Variants in IQCH observed in about 807,000 individuals in gnomAD.
IQCH encodes IQ domain-containing protein H.
Under a neutral mutation model 117.0 loss-of-function variants are expected in IQCH, and 98 were observed. The observed-to-expected ratio is 0.84, with a 90% CI of 0.71 to 0.99. IQCH has a LOEUF of 0.99. Among genes scored for constraint, IQCH ranks in the 50% least tolerant of loss-of-function variants. The probability of loss-of-function intolerance (pLI) is 0.00; values close to 1 mark genes in which losing one functional copy is unlikely to be tolerated. For missense variants in IQCH, 1,102 were observed against 1,243.8 expected, an observed-to-expected ratio of 0.89 and a Z score of 1.72; for synonymous variants, 412 against 448.2, an observed-to-expected ratio of 0.92 and a Z score of 1.02.
intron 5 of IQCH, among the ~76,000 whole-genome samples, chr15:67,337,874 G>T (rs1183911054): frequency 6.6e-6 from 1 of 152,076 alleles, no homozygotes; most frequent in African/African-American, 2.4e-5. Context: ...CCCAAAGCTG[G>T]TTCCCAAAGG....
intron 18 of IQCH, among the ~76,000 whole-genome samples, chr15:67,487,159 C>T (rs750999028): frequency 9.2e-5 from 14 of 152,098 alleles, no homozygotes; most frequent in Non-Finnish European, 1.9e-4. Context: ...ATGGTGAAAC[C>T]TCATCTCTAC....
At position 67,372,315 on chromosome 15, in the gene IQCH, A is replaced by G; in HGVS notation, c.958A>G (p.Lys320Glu). The change falls in exon 9 of 21, where the codon AAA (lysine) becomes GAA (glutamate). Residue 320 changes from lysine (K) to glutamate (E), a missense_variant. Lys to Glu is a moderately conservative substitution (Grantham distance 56, BLOSUM62 1). Around this residue, in one of 2 missense-constraint regions of IQCH, gnomAD observed 452 missense variants for 449.6 expected, o/e 1.01. Transcript: ENST00000335894. ...RNYAIPEVKI[K>E]GNNLVALLPE... ...CTATGCTATACCAGAAGTCAAAATA[A>G]AAGGGAATAATTTGGTGGCCCTCCT... is the stretch of plus-strand genomic sequence containing the variant. 1 of 1,614,068 alleles carries G rather than the reference A, an allele frequency of 6.2e-7. No homozygotes were observed. The highest frequency in any genetic ancestry group is 1.1e-5 in the South Asian group (1 of 91,082).
intron 3 of IQCH, among the ~76,000 whole-genome samples, chr15:67,267,182 AT>A (rs1393478883): frequency 6.6e-6 from 1 of 152,086 alleles, no homozygotes; most frequent in African/African-American, 2.4e-5. Flanking sequence ...GTAATTTCTT[AT>A]TTATTTCTTT....
chr15:67,373,228 A>G (rs34983272), intron 9 of IQCH, 139 bp from the exon 10 acceptor site: 28,543 of 569,954 alleles, frequency 0.05, 1,155 homozygotes, highest in South Asian at 0.17. Flanking sequence ...TAATTGGGGA[A>G]GATGTTTTAA....
rs541437180 is a variant in IQCH, at chr15:67,500,037, T to C, written c.2971-596T>C. Among the ~76,000 whole-genome samples, 8 of 152,312 alleles carry C rather than the reference T, an allele frequency of 5.3e-5. No homozygotes were observed. The South Asian group carries it at 1.7e-3, about 32-fold the overall frequency. ...GGGTGATGAAAATGTTCTGGAATTATATAGTAGCGATGGTTACTTGCAAAT... is the reference window on the plus strand; with the variant it reads ...GGGTGATGAAAATGTTCTGGAATTACATAGTAGCGATGGTTACTTGCAAAT... On this transcript the variant is annotated intron_variant, in intron 20 of 20. Coordinates refer to ENST00000335894, the MANE Select transcript of IQCH (RefSeq NM_001031715.3). The surrounding 1 kb of genome is among the most constrained non-coding windows in gnomAD (Gnocchi z 4.4).
At position 67,359,972 on chromosome 15, in the gene IQCH, G is replaced by T. The variant is rs1375183035; in HGVS notation, c.753+87G>T. ...CTGCAGGGCAAGAGTATGGGTGACT[G>T]CTTGACAGCTGGAGATGGCAACAAA... On this transcript the variant is annotated intron_variant, in intron 8 of 20. Coordinates refer to ENST00000335894, the MANE Select transcript of IQCH (RefSeq NM_001031715.3). The surrounding 1 kb of genome is among the most constrained non-coding windows in gnomAD (Gnocchi z 4.5). The T allele has an allele frequency of 4.5e-5, 44 of 986,066 alleles. No homozygotes were observed. The highest frequency in any genetic ancestry group is 6.1e-5 in the Non-Finnish European group (39 of 634,452). The allele number at this position is 986,066 out of a possible 1,614,324, so 61.1% of individuals were successfully genotyped here.
At chr15:67,420,996 C>G (rs1596342496) in intron 15 of IQCH, among the ~76,000 whole-genome samples, 3 of 152,070 alleles carry the variant, frequency 2.0e-5, no homozygotes, top group Admixed American at 2.0e-4. Flanking sequence ...GGGCATAGAC[C>G]CAGTGATCCT....
chr15:67,258,108 G>A (rs1025885143), intron 1 of IQCH, among the ~76,000 whole-genome samples: 4 of 151,968 alleles, frequency 2.6e-5, no homozygotes, highest in African/African-American at 9.7e-5. Flanking sequence ...GCAGGCACCT[G>A]TAATCCCAGC....
At chr15:67,275,603 TGTG>T (rs1488530093) in intron 3 of IQCH, among the ~76,000 whole-genome samples, 9 of 152,106 alleles carry the variant, frequency 5.9e-5, no homozygotes, top group African/African-American at 2.2e-4. Context: ...TTTGGCCAAA[TGTG>T]GTGGCTCATG....
At chr15:67,286,700 C>T (rs1484101617) in intron 4 of IQCH, among the ~76,000 whole-genome samples, 1 of 152,030 alleles carries the variant, frequency 6.6e-6, no homozygotes, top group Admixed American at 6.5e-5. Context: ...ACCTCTGCTT[C>T]CCAGGTTCAA....
chr15:67,371,298 CA>C, intron 8 of IQCH: 104 of 323,526 alleles, frequency 3.2e-4, no homozygotes, highest in South Asian at 8.7e-4. Context: ...GTGTAAAGAA[CA>C]AAAAAAATTG....
At position 67,444,032 on chromosome 15, in the gene IQCH, C is replaced by T. The variant is rs557574271; in HGVS notation, c.2506-21095C>T. 1.6e-4 allele frequency among the ~76,000 whole-genome samples: 24 copies of T among 152,348 alleles called. No individual in the cohort carries two copies. The South Asian group carries it at 5.0e-3, about 32-fold the overall frequency. ...CAAGCCTGTGTTCTTTCTCTCACAA[C>T]AAATACTGTGGCACTGCACTGGATT... On this transcript the variant is annotated intron_variant, in intron 16 of 20. Transcript: ENST00000335894.
chr15:67,266,643 C>T (rs1276574411), intron 3 of IQCH, among the ~76,000 whole-genome samples: 3 of 151,956 alleles, frequency 2.0e-5, no homozygotes, highest in East Asian at 1.9e-4. Context: ...GGCGACAGAG[C>T]GAGACTCCGT....
Position 67,482,164 on chromosome 15 carries a change from C to T in IQCH, c.2799+6346C>T, listed in dbSNP as rs371112049. On this transcript the variant is annotated intron_variant, in intron 18 of 20. Coordinates refer to ENST00000335894, the MANE Select transcript of IQCH (RefSeq NM_001031715.3). Reference sequence around the variant, plus strand: ...TCTCAGAAGGCAGAGTCAAGGACCACAAAGAATAGCGTCTATGCTCATGAA... The same window carrying T: ...TCTCAGAAGGCAGAGTCAAGGACCATAAAGAATAGCGTCTATGCTCATGAA... Among the ~76,000 whole-genome samples the T allele has an allele frequency of 2.7e-4, 41 of 152,282 alleles. No individual in the cohort carries two copies. The South Asian group carries it at 8.3e-3, about 31-fold the overall frequency.
chr15:67,425,335 C>A lies in IQCH; in HGVS notation c.2505+3758C>A, dbSNP rs2081857386. Among the ~76,000 whole-genome samples, 1 of 152,114 alleles carries A rather than the reference C, an allele frequency of 6.6e-6. No individual in the cohort carries two copies. Among genetic ancestry groups the A allele is most frequent in the Non-Finnish European group, 1.5e-5 (1 of 68,026 alleles). ...CACCATAAAAATTACTATTTCTGGC[C>A]AGGTGCGGTGGCTCACGCCTGTAAT... On this transcript the variant is annotated intron_variant, in intron 16 of 20. Coordinates refer to ENST00000335894, the MANE Select transcript of IQCH (RefSeq NM_001031715.3). This position sits in a 1 kb window ranked among gnomAD's most constrained non-coding sequence, Gnocchi z 5.5.
intron 1 of IQCH, among the ~76,000 whole-genome samples, chr15:67,257,843 C>A (rs1321361476): frequency 6.6e-6 from 1 of 152,206 alleles, no homozygotes; most frequent in African/African-American, 2.4e-5. Context: ...TGTATGTTAA[C>A]AATGATCTTG....
rs2082013052 is a variant in IQCH, at chr15:67,431,237, T to C, written c.2505+9660T>C. The stretch of plus-strand genomic sequence containing the variant: ...AATTCTCCCATTCCTGTTCCTCATA[T>C]AAAAGTCTCTAAACAAATAGATTGG... On this transcript the variant is annotated intron_variant, in intron 16 of 20. Transcript: ENST00000335894. The surrounding 1 kb of genome is among the most constrained non-coding windows in gnomAD (Gnocchi z 4.8). Among the ~76,000 whole-genome samples, 1 of 152,194 alleles carries C rather than the reference T, an allele frequency of 6.6e-6. No individual in the cohort carries two copies. Among genetic ancestry groups the C allele is most frequent in the Non-Finnish European group, 1.5e-5 (1 of 68,032 alleles).
At chr15:67,308,245 T>G (rs185330061) in intron 4 of IQCH, among the ~76,000 whole-genome samples, 1 of 152,150 alleles carries the variant, frequency 6.6e-6, no homozygotes, top group Non-Finnish European at 1.5e-5. Context: ...CAGATGTGGG[T>G]ATTCACTCAA....
chr15:67,357,249 A>G, intron 6 of IQCH, 96 bp from the exon 7 acceptor site: 1 of 794,258 alleles, frequency 1.3e-6, no homozygotes, highest in Non-Finnish European at 2.3e-6. Flanking sequence ...TGGGTGACAG[A>G]GCCATTTGAC....
Sources: allele counts gnomAD v4.1 joint callset (sites outside exome capture counted in the v4.1 genomes callset), GRCh38; gene constraint gnomAD v4.1.1; regional missense constraint gnomAD v4.1.1; non-coding constraint Gnocchi (gnomAD v3.1); transcripts MANE v1.5; gene names NCBI Gene and HGNC (gene_info 2026-07-23, HGNC 2026-07-21).